Variants in MGAT4C observed in about 807,000 individuals in gnomAD.
MGAT4C encodes the protein MGAT4 family member C.
MGAT4C carries 19 observed loss-of-function variants against 40.1 expected under a neutral mutation model. The ratio of observed to expected loss-of-function variants is 0.47; its 90% CI spans 0.33 to 0.70. MGAT4C has a LOEUF of 0.70. Ranked by LOEUF, MGAT4C falls within the 30% of genes least tolerant of loss-of-function variation. The probability of loss-of-function intolerance (pLI) is 0.02; values close to 1 mark genes in which losing one functional copy is unlikely to be tolerated. For missense variants in MGAT4C, 491 were observed against 563.2 expected, an observed-to-expected ratio of 0.87 and a Z score of 1.30; for synonymous variants, 181 against 187.1, an observed-to-expected ratio of 0.97 and a Z score of 0.27.
chr12:86,460,082 T>C (rs1300850838), intron 2 of MGAT4C, among the ~76,000 whole-genome samples: 3 of 152,030 alleles, frequency 2.0e-5, no homozygotes, highest in African/African-American at 7.2e-5. Flanking sequence ...GTTGGTGTGA[T>C]GGTGCCCACC....
intron 2 of MGAT4C, among the ~76,000 whole-genome samples, chr12:86,026,251 A>T (rs1890228140): frequency 6.6e-6 from 1 of 151,852 alleles, no homozygotes; most frequent in Admixed American, 6.6e-5. Flanking sequence ...TACTCCCATC[A>T]CTGTAATTCC....
intron 2 of MGAT4C, among the ~76,000 whole-genome samples, chr12:86,463,698 C>T (rs1326860479): frequency 1.3e-5 from 2 of 151,792 alleles, no homozygotes; most frequent in African/African-American, 4.8e-5. Flanking sequence ...TGCTTAACAC[C>T]CATTATGTGC....
rs754184449 is a variant in MGAT4C at position 86,307,711 on chromosome 12, TA to T, written c.-57+26353del. 1.0e-4 allele frequency among the ~76,000 whole-genome samples: 15 copies of T among 150,422 alleles called. 2 individuals are homozygous for T. Among genetic ancestry groups the T allele is most frequent in the South Asian group, 4.1e-4 (2 of 4,820 alleles). On this transcript the variant is annotated intron_variant, in intron 4 of 7. Coordinates refer to the MGAT4C transcript ENST00000548651. ...ATTTCTTTCTTTTATTTTATTTATT[TA>T]TTTTTTTTGAGACGTTGTCTAGCTC... is the stretch of plus-strand genomic sequence containing the variant.
intron 1 of MGAT4C, among the ~76,000 whole-genome samples, chr12:86,732,538 T>C (rs991225816): frequency 3.0e-4 from 45 of 152,124 alleles, no homozygotes; most frequent in African/African-American, 9.4e-4. Context: ...CATTAGATTC[T>C]CATAAGGCGT....
At chr12:86,332,514 C>T (rs532798526) in intron 4 of MGAT4C, among the ~76,000 whole-genome samples, 2 of 152,064 alleles carry the variant, frequency 1.3e-5, no homozygotes, top group South Asian at 2.1e-4. Flanking sequence ...ATATTCCTCT[C>T]GAATTCAAAC....
chr12:86,101,543 A>G (rs1875056829), intron 1 of MGAT4C, among the ~76,000 whole-genome samples: 1 of 151,872 alleles, frequency 6.6e-6, no homozygotes, highest in South Asian at 2.1e-4. Context: ...TTTTAAAGAC[A>G]TCTTTCTAAA....
intron 2 of MGAT4C, among the ~76,000 whole-genome samples, chr12:86,627,797 C>A (rs1962871126): frequency 6.6e-6 from 1 of 150,914 alleles, no homozygotes; most frequent in Admixed American, 6.6e-5. Context: ...GAAACAAGAG[C>A]AGAAAAGCTG....
chr12:86,398,135 G>A (rs115201638), intron 3 of MGAT4C, among the ~76,000 whole-genome samples: 42 of 152,284 alleles, frequency 2.8e-4, no homozygotes, highest in African/African-American at 8.9e-4. Context: ...GTTTAAAACC[G>A]TATAAATTTA....
chr12:85,987,130 T>C (rs1385415359), intron 3 of MGAT4C, among the ~76,000 whole-genome samples: 1 of 44,840 alleles, frequency 2.2e-5, no homozygotes, highest in Non-Finnish European at 5.8e-5. Context: ...TTTTTTTTTT[T>C]TTTTTTTTTT....
chr12:86,443,886 G>A (rs1257723242), intron 2 of MGAT4C, among the ~76,000 whole-genome samples: 1 of 152,118 alleles, frequency 6.6e-6, no homozygotes, highest in Non-Finnish European at 1.5e-5. Context: ...ATGCCACCAT[G>A]CCCGGCCTGT....
chr12:86,379,065 TA>T (rs1203593652), intron 3 of MGAT4C, among the ~76,000 whole-genome samples: 3 of 152,266 alleles, frequency 2.0e-5, no homozygotes, highest in Non-Finnish European at 4.4e-5. Flanking sequence ...ATTTGTCCAT[TA>T]AAAATACAAT....
chr12:86,416,373 T>G (rs1474717053), intron 3 of MGAT4C, among the ~76,000 whole-genome samples: 2 of 152,090 alleles, frequency 1.3e-5, no homozygotes, highest in Non-Finnish European at 2.9e-5. Flanking sequence ...ATTAAATTGG[T>G]AAAGGACTTT....
intron 1 of MGAT4C, among the ~76,000 whole-genome samples, chr12:86,184,187 C>A (rs1888451098): frequency 6.6e-6 from 1 of 151,640 alleles, no homozygotes; most frequent in African/African-American, 2.4e-5. Context: ...AATTACTAAT[C>A]AATTAAAACA....
At chr12:86,561,592 G>C (rs1371882608) in intron 2 of MGAT4C, among the ~76,000 whole-genome samples, 1 of 152,116 alleles carries the variant, frequency 6.6e-6, no homozygotes, top group African/African-American at 2.4e-5. Context: ...CAGGTCTTCA[G>C]ACCCAGATTG....
At chr12:86,614,648 A>AT (rs1555211453) in intron 2 of MGAT4C, among the ~76,000 whole-genome samples, 6,928 of 150,832 alleles carry the variant, frequency 0.046, 508 homozygotes, top group African/African-American at 0.16. Flanking sequence ...TATTTGCAAA[A>AT]ATATATATAT....
intron 3 of MGAT4C, among the ~76,000 whole-genome samples, chr12:86,430,752 C>T (rs577424997): frequency 1.3e-5 from 2 of 152,146 alleles, no homozygotes; most frequent in Admixed American, 6.5e-5. Context: ...AGGCTATGGT[C>T]CTTAGAAATA....
intron 1 of MGAT4C, among the ~76,000 whole-genome samples, chr12:86,087,370 C>T (rs2135558833): frequency 6.6e-6 from 1 of 152,068 alleles, no homozygotes; most frequent in Admixed American, 6.6e-5. Context: ...ATTTCTTTAT[C>T]ATATGTTCAA....
chr12:86,709,808 G>A (rs1950527255), intron 2 of MGAT4C, among the ~76,000 whole-genome samples: 1 of 152,160 alleles, frequency 6.6e-6, no homozygotes, highest in Non-Finnish European at 1.5e-5. Flanking sequence ...ACCCTGAAGA[G>A]ATAGTTTTCT....
intron 3 of MGAT4C, among the ~76,000 whole-genome samples, chr12:86,364,786 A>G (rs1955556944): frequency 6.6e-6 from 1 of 152,142 alleles, no homozygotes; most frequent in Non-Finnish European, 1.5e-5. Context: ...AGTGATTTCA[A>G]AAGGGGAGGG....
Sources: gnomAD v4.1 joint callset for allele counts (sites outside exome capture counted in the v4.1 genomes callset) on GRCh38, gnomAD v4.1.1 for gene constraint, MANE v1.5 for transcripts, NCBI Gene and HGNC (gene_info 2026-07-23, HGNC 2026-07-21) for gene names.